TJP1: variants seen among roughly 807,000 people sequenced by gnomAD.
TJP1 encodes the protein tight junction protein 1, also known as tight junction protein ZO-1.
A neutral mutation model predicts 194.2 loss-of-function variants in TJP1; 43 were observed. That is an observed-to-expected ratio of 0.22 (90% CI 0.17 to 0.29). The LOEUF (loss-of-function observed/expected upper bound fraction) is 0.29. TJP1 is among the 10% of genes least tolerant of loss of function. TJP1 has a pLI of 1.00. For missense variants in TJP1, 1,971 were observed against 2,185.7 expected (o/e 0.90, Z 1.96); for synonymous variants, 801 against 779.0 (o/e 1.03, Z -0.47).
chr15:29,923,255 A>G (rs1596264635), intron 2 of TJP1, among the ~76,000 whole-genome samples: 1 of 152,238 alleles, frequency 6.6e-6, no homozygotes, highest in African/African-American at 2.4e-5. Context: ...GGAAAGACTT[A>G]TCCACTAATA....
chr15:29,808,991 C>T (rs2049303336), intron 1 of TJP1, among the ~76,000 whole-genome samples: 1 of 152,146 alleles, frequency 6.6e-6, no homozygotes, highest in African/African-American at 2.4e-5. Flanking sequence ...CCACCAGCCA[C>T]ATGGGGCTAC....
At chr15:29,900,726 G>A (rs1051330013) in intron 2 of TJP1, among the ~76,000 whole-genome samples, 15 of 152,322 alleles carry the variant, frequency 9.8e-5, no homozygotes, top group African/African-American at 3.4e-4. Flanking sequence ...CGGCACATGG[G>A]CTTGTGTGGT....
At chr15:29,924,395 C>A (rs1163893881) in intron 2 of TJP1, among the ~76,000 whole-genome samples, 2 of 152,060 alleles carry the variant, frequency 1.3e-5, no homozygotes, top group Non-Finnish European at 2.9e-5. Context: ...TTGGAAAAAA[C>A]TGCAAAAAAT....
chr15:29,776,428 T>C (rs977587399), intron 2 of TJP1, among the ~76,000 whole-genome samples: 1 of 152,184 alleles, frequency 6.6e-6, no homozygotes, highest in Non-Finnish European at 1.5e-5. Flanking sequence ...CAGCTTTTCA[T>C]ACACAGATAC....
intron 12 of TJP1, among the ~76,000 whole-genome samples, chr15:29,733,830 C>T (rs914066027): frequency 1.3e-5 from 2 of 152,130 alleles, no homozygotes; most frequent in Non-Finnish European, 2.9e-5. Flanking sequence ...TCCAAAATGT[C>T]AACAGTGCCA....
rs2054731914 is a variant in TJP1 at position 29,932,014 on chromosome 15, A to C, written c.306+24218T>G. ...AGGACCACCAGAAGTCACTCTTGTG[A>C]CCATCTTGGTTTTGGTGGGATTTAG... is the stretch of plus-strand genomic sequence containing the variant. On this transcript the variant is annotated intron_variant, in intron 2 of 28. Transcript: ENST00000356107. Among the ~76,000 whole-genome samples the C allele has an allele frequency of 2.6e-5, 4 of 152,132 alleles. No homozygotes were observed. In the South Asian group the frequency reaches 8.3e-4, roughly 32 times the overall value.
At chr15:29,962,418 C>CA (rs2056193757) in intron 1 of TJP1, among the ~76,000 whole-genome samples, 1 of 152,138 alleles carries the variant, frequency 6.6e-6, no homozygotes, top group East Asian at 1.9e-4. Context: ...CAGAATCGGG[C>CA]AAAAATAATC....
At chr15:29,819,666 CTACAA>C (rs2050189205) in intron 1 of TJP1, among the ~76,000 whole-genome samples, 1 of 152,090 alleles carries the variant, frequency 6.6e-6, no homozygotes. Context: ...GTCAAGTTTT[CTACAA>C]TACAACACTA....
At chr15:29,908,084 A>AAAAAAAAAAAAAAAAAAAT (rs2053883049) in intron 2 of TJP1, among the ~76,000 whole-genome samples, 1 of 124,914 alleles carries the variant, frequency 8.0e-6, no homozygotes, top group African/African-American at 3.2e-5. Flanking sequence ...AAAAAAAAAA[A>AAAAAAAAAAAAAAAAAAAT]AGAAGAAGAA....
chr15:29,718,517 A>G lies in TJP1; in HGVS notation c.3625T>C (p.Ser1209Pro). ...AGAGGCTCAAAATGACCTGCTCTAG[A>G]GGTAAATCCTTGGGGTGGTACTTGC... is the stretch of plus-strand genomic sequence containing the variant. ...YEQVPPQGFT[S>P]RAGHFEPLHG... The change falls in exon 21 of 28, where the codon TCT (serine) becomes CCT (proline). Residue 1209 changes from serine to proline, a missense_variant. Physicochemically the swap from Ser to Pro is moderately conservative, Grantham distance 74 (BLOSUM62 -1). Coordinates refer to ENST00000614355, the MANE Select transcript of TJP1 (RefSeq NM_001330239.4). 6.2e-7 allele frequency: 1 copy of G among 1,614,122 alleles called. No homozygotes were observed. Among genetic ancestry groups the G allele is most frequent in the South Asian group, 1.1e-5 (1 of 91,078 alleles).
At chr15:29,799,470 AGTGG>A (rs1311892057) in intron 2 of TJP1, among the ~76,000 whole-genome samples, 2 of 151,246 alleles carry the variant, frequency 1.3e-5, no homozygotes, top group Non-Finnish European at 2.9e-5. Context: ...GCTGGAGTGC[AGTGG>A]CATGATCTCG....
intron 18 of TJP1, among the ~76,000 whole-genome samples, chr15:29,723,647 G>A (rs1414957372): frequency 6.6e-6 from 1 of 152,164 alleles, no homozygotes; most frequent in Non-Finnish European, 1.5e-5. Context: ...TCACCTACAT[G>A]GTGGTTGCTA....
At chr15:29,947,379 C>T (rs189890275) in intron 2 of TJP1, among the ~76,000 whole-genome samples, 5 of 152,274 alleles carry the variant, frequency 3.3e-5, no homozygotes, top group African/African-American at 9.6e-5. Context: ...TATGCAGACA[C>T]CTCAGATACG....
intron 2 of TJP1, among the ~76,000 whole-genome samples, chr15:29,838,618 G>A (rs932905369): frequency 6.6e-6 from 1 of 151,694 alleles, no homozygotes; most frequent in Non-Finnish European, 1.5e-5. Context: ...GTGTCTGTGT[G>A]TGTGTGTGTG....
chr15:29,822,147 CG>C lies in TJP1; in HGVS notation c.-120del. On this transcript the variant is annotated 5_prime_UTR_variant, in exon 1 of 28. Transcript: ENST00000614355. ...CTCCCGAGAGCGAGCGGGGCACGGG[CG>C]GGGGCGGCCGGAAGGGCCCGGCCCA... 1.7e-6 allele frequency: 2 copies of C among 1,178,234 alleles called. No homozygotes were observed. Among genetic ancestry groups the C allele is most frequent in the Non-Finnish European group, 1.0e-6 (1 of 952,652 alleles). 73.0% of individuals were successfully genotyped at this position (1,178,234 alleles called of 1,614,324 possible).
chr15:29,776,025 T>C (rs2046995176), intron 2 of TJP1, among the ~76,000 whole-genome samples: 1 of 152,174 alleles, frequency 6.6e-6, no homozygotes, highest in South Asian at 2.1e-4. Flanking sequence ...GGAAAGCTTC[T>C]AAATTCTTTT....
In TJP1 at chr15:29,726,872, T is replaced by A. The variant is rs1403627980; in HGVS notation, c.2220A>T (p.Arg740Ser). The part of the protein sequence containing the change: ...PDSKQGVKTM[R>S]MRLCPESRKS... Reference sequence around the variant, plus strand: ...TCCGAGATTCTGGACATAACCTCATTCTCATTGTTTTTACTCCTTGCTTAG... The same window carrying A: ...TCCGAGATTCTGGACATAACCTCATACTCATTGTTTTTACTCCTTGCTTAG... The change falls in exon 17 of 28, where the codon AGA (arginine) becomes AGT (serine). Residue 740 changes from arginine (R) to serine (S), a missense_variant. Arg to Ser is a moderately radical substitution (Grantham distance 110). Transcript: ENST00000614355. 4.3e-6 allele frequency: 7 copies of A among 1,614,086 alleles called. No individual in the cohort carries two copies. The highest frequency in any genetic ancestry group is 5.9e-6 in the Non-Finnish European group (7 of 1,180,048).
chr15:29,821,014 A>C (rs1476281116), intron 1 of TJP1, among the ~76,000 whole-genome samples: 1 of 152,212 alleles, frequency 6.6e-6, no homozygotes, highest in African/African-American at 2.4e-5. Context: ...TACCTGCCCA[A>C]GTATCTCGAT....
At chr15:29,877,321 A>ATCC (rs1484177584) in intron 2 of TJP1, among the ~76,000 whole-genome samples, 1 of 152,178 alleles carries the variant, frequency 6.6e-6, no homozygotes, top group Non-Finnish European at 1.5e-5. Context: ...AGCTTGAGAG[A>ATCC]TCCTCCTGCT....
Sources: gnomAD v4.1 joint callset for allele counts (sites outside exome capture counted in the v4.1 genomes callset) on GRCh38, gnomAD v4.1.1 for gene constraint, MANE v1.5 for transcripts, NCBI Gene and HGNC (gene_info 2026-07-23, HGNC 2026-07-21) for gene names.